Variants in CWF19L2 observed in about 807,000 individuals in gnomAD.
CWF19L2 encodes CWF19 like cell cycle control factor 2.
In CWF19L2, 98 loss-of-function variants were observed where a neutral mutation model predicts 111.7. That is an observed-to-expected ratio of 0.88 (90% confidence interval 0.75 to 1.04). The LOEUF is 1.04. Among genes scored for constraint, CWF19L2 ranks in the 50% least tolerant of loss-of-function variants. The pLI is 0.00. For missense variants in CWF19L2, 1,101 were observed against 1,051.4 expected (o/e 1.05, Z -0.65); for synonymous variants, 351 against 342.9 (o/e 1.02, Z -0.26).
intron 15 of CWF19L2, 125 bp downstream of exon 15, chr11:107,336,433 T>C: frequency 1.2e-6 from 1 of 810,466 alleles, no homozygotes. Flanking sequence ...CCGGCCTATT[T>C]CATTTCTTTA....
chr11:107,442,555 A>T (rs543324650), intron 4 of CWF19L2, among the ~76,000 whole-genome samples: 1,943 of 150,710 alleles, frequency 0.013, 25 homozygotes, highest in South Asian at 0.037. Flanking sequence ...TGGTGGGCAC[A>T]CAACTGTGGT....
intron 3 of CWF19L2, among the ~76,000 whole-genome samples, chr11:107,449,386 C>T (rs1023074582): frequency 1.1e-4 from 16 of 151,908 alleles, no homozygotes; most frequent in African/African-American, 3.9e-4. Flanking sequence ...TTCAGACCTA[C>T]ATAAAATAAT....
intron 6 of CWF19L2, among the ~76,000 whole-genome samples, chr11:107,436,400 T>A (rs1007725950): frequency 2.7e-5 from 4 of 146,002 alleles, no homozygotes; most frequent in Non-Finnish European, 6.1e-5. Flanking sequence ...GACCAAATAT[T>A]AATACAACCA....
intron 12 of CWF19L2, among the ~76,000 whole-genome samples, chr11:107,373,084 T>G (rs146352999): frequency 0.31 from 10,315 of 32,784 alleles, 3,797 homozygotes; most frequent in African/African-American, 0.5. Context: ...AACGGCACAC[T>G]ACGAGATTAT....
intron 8 of CWF19L2, 149 bp downstream of exon 8, chr11:107,428,650 G>T (rs1591198809): frequency 1.6e-6 from 1 of 635,552 alleles, no homozygotes; most frequent in South Asian, 2.4e-5. Context: ...CCACAATACT[G>T]CCTGTTAAAT....
At chr11:107,376,631 A>G (rs1860604407) in intron 12 of CWF19L2, among the ~76,000 whole-genome samples, 1 of 41,360 alleles carries the variant, frequency 2.4e-5, no homozygotes, top group Non-Finnish European at 4.1e-5. Context: ...AATAAGAGCT[A>G]TCTATGACAA....
In CWF19L2 at chr11:107,368,127, C is replaced by G. The variant is rs1006009406; in HGVS notation, c.1873-14391G>C. Among the ~76,000 whole-genome samples the G allele has an allele frequency of 1.7e-4, 3 of 17,922 alleles. 1 individual carries two copies. Among genetic ancestry groups the G allele is most frequent in the Non-Finnish European group, 2.2e-4 (2 of 8,990 alleles). The allele number at this position is 17,922 out of a possible 152,430, so 11.8% of individuals were successfully genotyped here. A position where few individuals can be genotyped will look rare whatever the true frequency, so the allele number is the denominator to read the frequency against. Reference sequence around the variant, plus strand: ...CAGAATAAATTGAGACCCCCCCCCACACAAAAATACAAAAGATCAGTAAGA... The same window carrying G: ...CAGAATAAATTGAGACCCCCCCCCAGACAAAAATACAAAAGATCAGTAAGA... On this transcript the variant is annotated intron_variant, in intron 12 of 17. Transcript: ENST00000282251.
intron 16 of CWF19L2, among the ~76,000 whole-genome samples, chr11:107,330,645 CACACACACACA>C (rs1859834455): frequency 2.7e-4 from 4 of 14,894 alleles, no homozygotes; most frequent in South Asian, 2.1e-3. Flanking sequence ...CCCCCCCCAC[CACACACACACA>C]CACACACACA....
rs1437662668 is a variant in CWF19L2 at position 107,369,069 on chromosome 11, C to A, written c.1873-15333G>T. ...TGAACCATTGGCCTTTCTTCCCTTTCCAGCAACTCCTCCAAATCAGAATTT... is the reference window on the plus strand; with the variant it reads ...TGAACCATTGGCCTTTCTTCCCTTTACAGCAACTCCTCCAAATCAGAATTT... On this transcript the variant is annotated intron_variant, in intron 12 of 17. Transcript: ENST00000282251. 2.9e-5 allele frequency among the ~76,000 whole-genome samples: 4 copies of A among 137,940 alleles called. 1 individual carries two copies. Among genetic ancestry groups the A allele is most frequent in the African/African-American group, 1.2e-4 (4 of 34,654 alleles). 90.5% of individuals were successfully genotyped at this position (137,940 alleles called of 152,430 possible).
rs112152174 is a variant in CWF19L2 at position 107,354,927 on chromosome 11, A to T, written c.1873-1191T>A. Among the ~76,000 whole-genome samples, 34 of 152,190 alleles carry T rather than the reference A, an allele frequency of 2.2e-4. 1 individual carries two copies. Among genetic ancestry groups the T allele is most frequent in the African/African-American group, 8.2e-4 (34 of 41,522 alleles). On this transcript the variant is annotated intron_variant, in intron 12 of 17. Coordinates refer to ENST00000282251, the MANE Select transcript of CWF19L2 (RefSeq NM_152434.3). ...ATTAGCTGTCATTTCCATCAAAGAA[A>T]CTTCCTCCATCTTGCAAGCCCCTCC...
Position 107,442,967 on chromosome 11 carries a change from G to A in CWF19L2, c.422C>T (p.Ser141Leu). The change falls in exon 4 of 18, where the codon TCA becomes TTA. Residue 141 changes from serine to leucine, a missense_variant. Coordinates refer to ENST00000282251, the MANE Select transcript of CWF19L2 (RefSeq NM_152434.3). ...EKAWKVKDEKSGKDDTQIIKR... is the reference protein window; with the variant it reads ...EKAWKVKDEKLGKDDTQIIKR... ...GATAATTTGGGTGTCATCTTTTCCT[G>A]ACTTTTCATCTTTCACTTTCCAGGC... 1.3e-6 allele frequency: 2 copies of A among 1,551,192 alleles called. No individual in the cohort carries two copies. Among genetic ancestry groups the A allele is most frequent in the Non-Finnish European group, 1.7e-6 (2 of 1,146,408 alleles).
intron 10 of CWF19L2, among the ~76,000 whole-genome samples, chr11:107,400,628 C>A (rs1039339411): frequency 6.6e-6 from 1 of 152,046 alleles, no homozygotes; most frequent in South Asian, 2.1e-4. Flanking sequence ...ATGAATTCTA[C>A]CAGACATTCA....
intron 10 of CWF19L2, among the ~76,000 whole-genome samples, chr11:107,413,684 C>A (rs909034343): frequency 6.6e-5 from 10 of 152,186 alleles, no homozygotes; most frequent in Non-Finnish European, 1.5e-4. Flanking sequence ...CTAGTAATTT[C>A]TCACTCTCCA....
At chr11:107,430,064 T>C (rs749056224) in intron 7 of CWF19L2, among the ~76,000 whole-genome samples, 3 of 152,020 alleles carry the variant, frequency 2.0e-5, no homozygotes, top group Admixed American at 6.6e-5. Flanking sequence ...GGAGCAAAGA[T>C]GATGGGAATA....
At chr11:107,368,647 T>C (rs1860467286) in intron 12 of CWF19L2, among the ~76,000 whole-genome samples, 1 of 138,408 alleles carries the variant, frequency 7.2e-6, no homozygotes, top group East Asian at 2.1e-4. Flanking sequence ...CCTTGGTTAA[T>C]GTAAACTGGC....
At chr11:107,416,851 G>C (rs1468016043) in intron 9 of CWF19L2, among the ~76,000 whole-genome samples, 1 of 152,150 alleles carries the variant, frequency 6.6e-6, no homozygotes, top group East Asian at 1.9e-4. Flanking sequence ...TGTTCTTCTT[G>C]AACACAAGAA....
intron 10 of CWF19L2, among the ~76,000 whole-genome samples, chr11:107,396,879 C>T (rs561692076): frequency 6.6e-6 from 1 of 152,306 alleles, no homozygotes; most frequent in Admixed American, 6.5e-5. Context: ...AACACACTTC[C>T]TCCCGAACAT....
At chr11:107,357,839 C>G (rs1032197112) in intron 12 of CWF19L2, among the ~76,000 whole-genome samples, 1 of 152,110 alleles carries the variant, frequency 6.6e-6, no homozygotes, top group Non-Finnish European at 1.5e-5. Context: ...CATTTTTTAA[C>G]AGATAGACTG....
At chr11:107,455,582 A>G in intron 2 of CWF19L2, 84 bp downstream of exon 2, 4 of 744,452 alleles carry the variant, frequency 5.4e-6, no homozygotes, top group South Asian at 2.0e-5. Context: ...AAAACATTCT[A>G]TAAAATTATT....
Sources: gnomAD v4.1 joint callset for allele counts (sites outside exome capture counted in the v4.1 genomes callset) on GRCh38, gnomAD v4.1.1 for gene constraint, MANE v1.5 for transcripts, NCBI Gene and HGNC (gene_info 2026-07-23, HGNC 2026-07-21) for gene names.